Variants in CUL4A observed in about 807,000 individuals in gnomAD.
The protein encoded by CUL4A is cullin 4A.
Under a neutral mutation model 95.5 loss-of-function variants are expected in CUL4A, and 16 were observed. That is an observed-to-expected ratio of 0.17 (90% CI 0.11 to 0.25). The LOEUF is 0.25. CUL4A is among the 10% of genes least tolerant of loss of function. The pLI is 1.00. For synonymous variants in CUL4A, 380 were observed against 353.1 expected (o/e 1.08, Z -0.85); for missense variants, 610 against 937.0 (o/e 0.65, Z 4.56).
chr13:113,219,241 G>A (rs966767553), intron 3 of CUL4A, 193 bp downstream of exon 3: 1 of 481,260 alleles, frequency 2.1e-6, no homozygotes, highest in East Asian at 3.4e-5. Context: ...AAGGGAAACC[G>A]TGTTCATTTA....
chr13:113,213,065 C>T (rs1428430802), intron 2 of CUL4A, among the ~76,000 whole-genome samples: 7 of 152,066 alleles, frequency 4.6e-5, no homozygotes, highest in Non-Finnish European at 7.4e-5. Context: ...ATAGAATCTA[C>T]AGATCAATGT....
rs922782176 is a variant in CUL4A, at chr13:113,245,893, G to A, written c.1531-63G>A. ...TATTGAAAATTACACGGTTTATTTT[G>A]TTTTAGGTTAATTATGTTTTATTAC... On this transcript the variant is annotated intron_variant, in intron 14 of 19. Transcript: ENST00000375440. 7.8e-5 allele frequency: 93 copies of A among 1,192,706 alleles called. 3 individuals carry two copies. In the African/African-American group the frequency reaches 1.2e-3, roughly 15 times the overall value. 73.9% of individuals were successfully genotyped at this position (1,192,706 alleles called of 1,614,324 possible). A position where few individuals can be genotyped will look rare whatever the true frequency, so the allele number is the denominator to read the frequency against.
At chr13:113,221,011 G>C (rs753136784) in intron 3 of CUL4A, among the ~76,000 whole-genome samples, 1 of 152,210 alleles carries the variant, frequency 6.6e-6, no homozygotes, top group East Asian at 1.9e-4. Flanking sequence ...AGAACTGCGC[G>C]TCAGGCCAGG....
intron 19 of CUL4A, chr13:113,263,134 C>T: frequency 9.1e-6 from 1 of 110,086 alleles, no homozygotes; most frequent in African/African-American, 3.1e-5. Flanking sequence ...CTTATACGTG[C>T]CCTTGCTGAT....
chr13:113,208,260 C>A (rs2139024673), upstream of CUL4A: 2 of 1,446,132 alleles, frequency 1.4e-6, no homozygotes, highest in African/African-American at 1.4e-5. Flanking sequence ...GGGCCCTCGG[C>A]GTGGCCCGCA....
intron 10 of CUL4A, among the ~76,000 whole-genome samples, chr13:113,242,422 A>G (rs11843442): frequency 0.01 from 1,598 of 152,340 alleles, 35 homozygotes; most frequent in African/African-American, 0.037. Flanking sequence ...TTAAAAAGCA[A>G]CGGACATTTT....
intron 2 of CUL4A, among the ~76,000 whole-genome samples, chr13:113,214,935 T>C (rs2040589993): frequency 6.6e-6 from 1 of 151,616 alleles, no homozygotes; most frequent in Non-Finnish European, 1.5e-5. Context: ...TGGAGGTCGC[T>C]GTGTGACTGT....
In CUL4A at chr13:113,266,260, C is replaced by T. The variant is rs1452337720; in HGVS notation, c.*2678C>T. The T allele has an allele frequency of 6.6e-6, 1 of 152,152 alleles. No individual in the cohort carries two copies. Among genetic ancestry groups the T allele is most frequent in the East Asian group, 1.9e-4 (1 of 5,200 alleles). 9.4% of individuals were successfully genotyped at this position (152,152 alleles called of 1,614,324 possible). A position where few individuals can be genotyped will look rare whatever the true frequency, so the allele number is the denominator to read the frequency against. On this transcript the variant is annotated 3_prime_UTR_variant, in exon 20 of 20. Coordinates refer to ENST00000375440, the MANE Select transcript of CUL4A (RefSeq NM_001008895.4). Reference sequence around the variant, plus strand: ...TCTTGTACTCCTGGCCTCAAGCGAACCTCCTACCTCAGCCTCCCCAAATGC... The same window carrying T: ...TCTTGTACTCCTGGCCTCAAGCGAATCTCCTACCTCAGCCTCCCCAAATGC...
At chr13:113,235,550 G>A (rs1042875908) in intron 8 of CUL4A, among the ~76,000 whole-genome samples, 6 of 152,110 alleles carry the variant, frequency 3.9e-5, no homozygotes, top group African/African-American at 1.4e-4. Flanking sequence ...GCAAACCTGA[G>A]GTTGATGAGT....
At chr13:113,246,096 G>T in intron 15 of CUL4A, 33 bp downstream of exon 15, 6 of 1,508,222 alleles carry the variant, frequency 4.0e-6, no homozygotes, top group Non-Finnish European at 5.5e-6. Flanking sequence ...GTCCGCTCCC[G>T]CTGTCATGCC....
At position 113,264,704 on chromosome 13, in the gene CUL4A, C is replaced by G. The variant is rs1189472166; in HGVS notation, c.*1122C>G. 6.6e-6 allele frequency: 1 copy of G among 152,498 alleles called. No individual in the cohort carries two copies. The highest frequency in any genetic ancestry group is 1.5e-5 in the Non-Finnish European group (1 of 68,006). The allele number at this position is 152,498 out of a possible 1,614,324, so 9.4% of individuals were successfully genotyped here. ...ATGTTTCATTTTGATTAAAAGCTACCAAAGGAATTTTGATCATGGCATAAG... is the reference window on the plus strand; with the variant it reads ...ATGTTTCATTTTGATTAAAAGCTACGAAAGGAATTTTGATCATGGCATAAG... On this transcript the variant is annotated 3_prime_UTR_variant, in exon 20 of 20. Coordinates refer to ENST00000375440, the MANE Select transcript of CUL4A (RefSeq NM_001008895.4).
At chr13:113,232,858 T>C (rs1246876935) in intron 5 of CUL4A, among the ~76,000 whole-genome samples, 1 of 152,030 alleles carries the variant, frequency 6.6e-6, no homozygotes, top group Non-Finnish European at 1.5e-5. Context: ...CCTGAGTGTC[T>C]CCCGTCGCTC....
chr13:113,234,249 C>G (rs765929678), intron 7 of CUL4A, among the ~76,000 whole-genome samples: 4 of 152,018 alleles, frequency 2.6e-5, no homozygotes, highest in Non-Finnish European at 5.9e-5. Flanking sequence ...TAAAATAACT[C>G]AAATTTAAGC....
chr13:113,235,033 A>G (rs761844569), intron 7 of CUL4A, 30 bp from the exon 8 acceptor site: 5 of 1,450,388 alleles, frequency 3.4e-6, no homozygotes, highest in Admixed American at 1.9e-5. Context: ...TCTTTTTGTT[A>G]CTGATACATT....
Position 113,252,942 on chromosome 13 carries a change from AT to A in CUL4A, c.1639-139del, listed in dbSNP as rs2042031618. On this transcript the variant is annotated intron_variant, in intron 15 of 19. Coordinates refer to ENST00000375440, the MANE Select transcript of CUL4A (RefSeq NM_001008895.4). ...AGGATTGAGGACGTTTTTACAAATA[AT>A]GGAATCCAGAAAGTGTGAGAATATA... The A allele has an allele frequency of 1.0e-5, 5 of 489,288 alleles. No homozygotes were observed. The East Asian group carries it at 1.6e-4, about 16-fold the overall frequency. The allele number at this position is 489,288 out of a possible 1,614,324, so 30.3% of individuals were successfully genotyped here.
intron 16 of CUL4A, 35 bp from the exon 17 acceptor site, chr13:113,254,658 C>T: frequency 1.5e-6 from 2 of 1,362,526 alleles, no homozygotes; most frequent in South Asian, 1.3e-5. Context: ...TGTACATGCA[C>T]AGCTTCAGAG....
At chr13:113,243,435 G>A (rs1029536163) in intron 11 of CUL4A, among the ~76,000 whole-genome samples, 2 of 151,822 alleles carry the variant, frequency 1.3e-5, no homozygotes, top group Admixed American at 6.6e-5. Context: ...AGAAGGGAGG[G>A]GTGATCACCA....
In CUL4A at chr13:113,243,036, C is replaced by T. The variant is rs1480083184; in HGVS notation, c.1104C>T (p.Phe368=). Residue 368 remains phenylalanine (F), a synonymous_variant, in exon 11 of 20, where the codon TTC becomes TTT. Coordinates refer to ENST00000375440, the MANE Select transcript of CUL4A (RefSeq NM_001008895.4). ...DKDMVQDLLD[F]KDKVDHVIEV... is the part of the protein sequence containing the mutation. ...ACATGGTCCAAGACCTGTTGGACTT[C>T]AAGGACAAGGTGGACCACGTGATCG... 1 of 1,614,144 alleles carries T rather than the reference C, an allele frequency of 6.2e-7. No homozygotes were observed. The highest frequency in any genetic ancestry group is 1.7e-5 in the Admixed American group (1 of 60,028).
At chr13:113,252,229 A>G (rs1595421556) in intron 15 of CUL4A, among the ~76,000 whole-genome samples, 2 of 152,216 alleles carry the variant, frequency 1.3e-5, no homozygotes, top group South Asian at 4.1e-4. Flanking sequence ...TTTAAGGATC[A>G]GTAGAAAGTT....
Sources: gnomAD v4.1 joint callset for allele counts (sites outside exome capture counted in the v4.1 genomes callset) on GRCh38, gnomAD v4.1.1 for gene constraint, MANE v1.5 for transcripts, NCBI Gene and HGNC (gene_info 2026-07-23, HGNC 2026-07-21) for gene names.